Variants in ARHGEF40 observed in about 807,000 individuals in gnomAD.
The protein encoded by ARHGEF40 is Rho guanine nucleotide exchange factor 40.
Under a neutral mutation model 165.9 loss-of-function variants are expected in ARHGEF40, and 98 were observed. That is an observed-to-expected ratio of 0.59 (90% CI 0.50 to 0.70). ARHGEF40 has a LOEUF of 0.70. ARHGEF40 is among the 30% of genes least tolerant of loss of function. ARHGEF40 has a pLI of 0.00. For synonymous variants in ARHGEF40, 792 were observed against 814.3 expected, an observed-to-expected ratio of 0.97 and a Z score of 0.47; for missense variants, 1,815 against 1,968.0, an observed-to-expected ratio of 0.92 and a Z score of 1.47.
chr14:21,064,443 AG>A, the ARHGEF40 span, among the ~76,000 whole-genome samples: 49 of 152,218 alleles, frequency 3.2e-4, no homozygotes, highest in African/African-American at 1.2e-3. Flanking sequence ...CTGGGATTAC[AG>A]GTGCACACTG....
chr14:21,087,587 G>T, intron 21 of ARHGEF40, 124 bp downstream of exon 21: 1 of 1,363,172 alleles, frequency 7.3e-7, no homozygotes, highest in South Asian at 1.4e-5. Context: ...ACTATGTACA[G>T]CTTCCCCACC....
At position 21,089,149 on chromosome 14, in the gene ARHGEF40, C is replaced by G. The variant is rs1888631127; in HGVS notation, c.*141C>G. 1 of 424,196 alleles carries G rather than the reference C, an allele frequency of 2.4e-6. No individual in the cohort carries two copies. The highest frequency in any genetic ancestry group is 4.2e-6 in the Non-Finnish European group (1 of 236,970). 26.3% of individuals were successfully genotyped at this position (424,196 alleles called of 1,614,324 possible). ...CTGGACACAGAGGAGGTCTAACGAC[C>G]AGAGTATTGCCCTGCCACCACTATC... On this transcript the variant is annotated 3_prime_UTR_variant, in exon 24 of 24. Coordinates refer to ENST00000298694, the MANE Select transcript of ARHGEF40 (RefSeq NM_018071.5).
At chr14:21,077,536 C>T (rs923963423) in intron 8 of ARHGEF40, among the ~76,000 whole-genome samples, 3 of 152,082 alleles carry the variant, frequency 2.0e-5, no homozygotes, top group Non-Finnish European at 4.4e-5. Context: ...CACTGAGAGT[C>T]AAAAGGCTGG....
At position 21,073,950 on chromosome 14, in the gene ARHGEF40, C is replaced by G; in HGVS notation, c.220C>G (p.Leu74Val). 2 of 1,604,786 alleles carry G rather than the reference C, an allele frequency of 1.2e-6. No individual in the cohort carries two copies. The highest frequency in any genetic ancestry group is 1.7e-6 in the Non-Finnish European group (2 of 1,179,198). Reference sequence around the variant, plus strand: ...TCCCCAGGCCCAATACAGTGGATTCCTCTTCTTCCATGAGGGGTGGCCGCT... The same window carrying G: ...TCCCCAGGCCCAATACAGTGGATTCGTCTTCTTCCATGAGGGGTGGCCGCT... Reference protein sequence around the residue: ...QEACAQYSGFLFFHEGWPLCL... With the variant: ...QEACAQYSGFVFFHEGWPLCL... Residue 74 changes from leucine (L) to valine (V), a missense_variant, in exon 3 of 24, where the codon CTC becomes GTC. By Grantham distance (32) the Leu-to-Val change is conservative. Coordinates refer to ENST00000298694, the MANE Select transcript of ARHGEF40 (RefSeq NM_018071.5). The surrounding 1 kb of genome is among the most constrained non-coding windows in gnomAD (Gnocchi z 4.6).
chr14:21,073,067 G>C lies in ARHGEF40; in HGVS notation c.26G>C (p.Cys9Ser). The C allele has an allele frequency of 6.2e-7, 1 of 1,614,104 alleles. No homozygotes were observed. Among genetic ancestry groups the C allele is most frequent in the Non-Finnish European group, 8.5e-7 (1 of 1,179,964 alleles). ...CAGGAGCCTGAGCCAGTGGAGGACT[G>C]TGTGCAGAGCACTCTCGCCGCCCTG... is the stretch of plus-strand genomic sequence containing the variant. MEPEPVEDCVQSTLAALYP... is the reference protein window; with the variant it reads MEPEPVEDSVQSTLAALYP... The change falls in exon 2 of 24, where the codon TGT becomes TCT. Residue 9 changes from cysteine (C) to serine (S), a missense_variant. By Grantham distance (112) the Cys-to-Ser change is moderately radical. Coordinates refer to ENST00000298694, the MANE Select transcript of ARHGEF40 (RefSeq NM_018071.5). The surrounding 1 kb of genome is among the most constrained non-coding windows in gnomAD (Gnocchi z 4.6).
Position 21,075,600 on chromosome 14 carries a change from T to C in ARHGEF40, c.1619-45T>C, listed in dbSNP as rs201983830. On this transcript the variant is annotated intron_variant, in intron 4 of 23. Transcript: ENST00000298694. The surrounding 1 kb of genome is among the most constrained non-coding windows in gnomAD (Gnocchi z 4.5). ...AGGCAGGGTGGAAAGGAGGTAGGCA[T>C]GGACTGCTCCCAGCCAGGACAGCCT... 1.9e-4 allele frequency: 311 copies of C among 1,613,862 alleles called. No individual in the cohort carries two copies. The African/African-American group carries it at 3.7e-3, about 19-fold the overall frequency.
the ARHGEF40 span, among the ~76,000 whole-genome samples, chr14:21,064,374 T>C: frequency 6.7e-6 from 1 of 150,302 alleles, no homozygotes; most frequent in African/African-American, 2.4e-5. Context: ...TGATCTTGGC[T>C]CACTGCAACC....
Position 21,083,965 on chromosome 14 carries a change from C to T in ARHGEF40, c.3704C>T (p.Ala1235Val). The T allele has an allele frequency of 6.2e-7, 1 of 1,613,828 alleles. No homozygotes were observed. The highest frequency in any genetic ancestry group is 1.1e-5 in the South Asian group (1 of 91,016). Residue 1235 changes from alanine (A) to valine (V), a missense_variant, in exon 17 of 24, where the codon GCC becomes GTC. Coordinates refer to ENST00000298694, the MANE Select transcript of ARHGEF40 (RefSeq NM_018071.5). ...AGPELSSECR[A>V]LGAAVQLLRE... ...CCTGAGCTCAGTTCTGAGTGCCGGG[C>T]CCTTGGGGCTGCTGTACAGCTGCTC...
chr14:21,086,205 C>A, intron 19 of ARHGEF40: 1 of 252,018 alleles, frequency 4.0e-6, no homozygotes. Context: ...AGTGAGACCC[C>A]GTTTCCACAA....
chr14:21,071,528 TCTCTCTGGTCTC>T (rs1432013612), intron 1 of ARHGEF40, among the ~76,000 whole-genome samples: 1 of 152,048 alleles, frequency 6.6e-6, no homozygotes, highest in Non-Finnish European at 1.5e-5. Context: ...GCTGACTCAG[TCTCTCTGGTCTC>T]CTCTCTGGTC....
chr14:21,067,732 A>G (rs180869077), upstream of ARHGEF40, among the ~76,000 whole-genome samples: 6 of 148,066 alleles, frequency 4.1e-5, no homozygotes, highest in South Asian at 2.1e-4. Context: ...AAACACACGT[A>G]TCAACACATA....
At position 21,085,680 on chromosome 14, in the gene ARHGEF40, C is replaced by T. The variant is rs778210742; in HGVS notation, c.3961-9C>T. 3 of 1,612,702 alleles carry T rather than the reference C, an allele frequency of 1.9e-6. No individual in the cohort carries two copies. The highest frequency in any genetic ancestry group is 2.2e-5 in the East Asian group (1 of 44,888). On this transcript the variant is annotated splice_polypyrimidine_tract_variant and intron_variant, in intron 18 of 23. Coordinates refer to ENST00000298694, the MANE Select transcript of ARHGEF40 (RefSeq NM_018071.5). ...CTGTCTTCACCCGCTGCCCTCTGCT[C>T]TTCCTCAGACTGCTGATATGGGGCT...
In ARHGEF40 at chr14:21,089,046, C is replaced by T; in HGVS notation, c.*38C>T. The T allele has an allele frequency of 1.6e-6, 1 of 621,140 alleles. No homozygotes were observed. 38.5% of individuals were successfully genotyped at this position (621,140 alleles called of 1,614,324 possible). A position where few individuals can be genotyped will look rare whatever the true frequency, so the allele number is the denominator to read the frequency against. On this transcript the variant is annotated 3_prime_UTR_variant, in exon 24 of 24. Coordinates refer to ENST00000298694, the MANE Select transcript of ARHGEF40 (RefSeq NM_018071.5). ...CCAGAACTTGCGTGCAGCTTCTCCT[C>T]TCAGCACACTTTGGGCTGGGATGGC...
chr14:21,079,683 T>G (rs753527414), intron 11 of ARHGEF40, among the ~76,000 whole-genome samples: 7 of 152,168 alleles, frequency 4.6e-5, no homozygotes, highest in African/African-American at 7.2e-5. Flanking sequence ...TACGTGGGCA[T>G]CAGGGGAAAG....
At chr14:21,088,723 G>A in intron 22 of ARHGEF40, 107 bp from the exon 23 acceptor site, 1 of 1,188,742 alleles carries the variant, frequency 8.4e-7, no homozygotes, top group Non-Finnish European at 1.2e-6. Flanking sequence ...AAGGATTTTG[G>A]GTAGGAAAGA....
chr14:21,085,445 T>C (rs561139582), intron 18 of ARHGEF40, among the ~76,000 whole-genome samples: 9 of 152,350 alleles, frequency 5.9e-5, no homozygotes, highest in Admixed American at 2.6e-4. Flanking sequence ...CTGGATCCAA[T>C]TCCGGCTCTA....
Position 21,073,285 on chromosome 14 carries a change from C to G in ARHGEF40, c.201+43C>G. 6.4e-7 allele frequency: 1 copy of G among 1,550,510 alleles called. No homozygotes were observed. The highest frequency in any genetic ancestry group is 1.2e-5 in the South Asian group (1 of 84,538). ...ACTATTCTGCCTTCCCCAAGATCCACTGCCACACTCTACAGACTAGCCAGG... is the reference window on the plus strand; with the variant it reads ...ACTATTCTGCCTTCCCCAAGATCCAGTGCCACACTCTACAGACTAGCCAGG... On this transcript the variant is annotated intron_variant, in intron 2 of 23. Coordinates refer to ENST00000298694, the MANE Select transcript of ARHGEF40 (RefSeq NM_018071.5). The surrounding 1 kb of genome is among the most constrained non-coding windows in gnomAD (Gnocchi z 4.6).
At chr14:21,077,197 TGGACTCA>T (rs1887493666) in intron 8 of ARHGEF40, among the ~76,000 whole-genome samples, 1 of 151,938 alleles carries the variant, frequency 6.6e-6, no homozygotes, top group African/African-American at 2.4e-5. Context: ...CTCGACCCTC[TGGACTCA>T]GGCGATCCTC....
Position 21,072,906 on chromosome 14 carries a change from A to G in ARHGEF40, c.4-139A>G, listed in dbSNP as rs1594548739. 4.6e-6 allele frequency: 4 copies of G among 872,984 alleles called. No homozygotes were observed. The highest frequency in any genetic ancestry group is 7.1e-6 in the Non-Finnish European group (4 of 562,622). 54.1% of individuals were successfully genotyped at this position (872,984 alleles called of 1,614,324 possible). ...TCCTGTTCTGGGCTCATCAGCCAGC[A>G]TTTCCTGAGTGCTCACTTTTTGCCC... On this transcript the variant is annotated intron_variant, in intron 1 of 23. Coordinates refer to ENST00000298694, the MANE Select transcript of ARHGEF40 (RefSeq NM_018071.5). This position sits in a 1 kb window ranked among gnomAD's most constrained non-coding sequence, Gnocchi z 4.1.
Sources: gnomAD v4.1 joint callset for allele counts (sites outside exome capture counted in the v4.1 genomes callset) on GRCh38, gnomAD v4.1.1 for gene constraint, Gnocchi (gnomAD v3.1) non-coding constraint, MANE v1.5 for transcripts, NCBI Gene and HGNC (gene_info 2026-07-23, HGNC 2026-07-21) for gene names.